Variants in RBM46 observed in about 807,000 individuals in gnomAD.
The protein encoded by RBM46 is probable RNA-binding protein 46.
Under a neutral mutation model 43.3 loss-of-function variants are expected in RBM46, and 12 were observed. That is an observed-to-expected ratio of 0.28 (90% confidence interval 0.18 to 0.45). RBM46 has a LOEUF of 0.45. RBM46 is among the 20% of genes least tolerant of loss of function. RBM46 has a pLI of 1.00. For missense variants in RBM46, 412 were observed against 639.1 expected (o/e 0.64, Z 3.83); for synonymous variants, 205 against 207.6 (o/e 0.99, Z 0.11).
At chr4:154,804,818 T>C (rs1222193807) in intron 4 of RBM46, among the ~76,000 whole-genome samples, 3 of 149,814 alleles carry the variant, frequency 2.0e-5, no homozygotes, top group Non-Finnish European at 4.4e-5. Flanking sequence ...AAGGTTGTTT[T>C]TTTTTTTTTT....
Position 154,801,222 on chromosome 4 carries a change from G to A in RBM46, c.1402+1658G>A, listed in dbSNP as rs1478050479. ...TTGAACTACTGACCTCAGGCGACCC[G>A]CCCTCCTCAGCCTCCCAAAGTATAT... On this transcript the variant is annotated intron_variant, in intron 4 of 4. Coordinates refer to ENST00000281722, the MANE Select transcript of RBM46 (RefSeq NM_144979.5). Among the ~76,000 whole-genome samples the A allele has an allele frequency of 7.2e-5, 11 of 152,100 alleles. No individual in the cohort carries two copies. In the East Asian group the frequency reaches 1.2e-3, roughly 16 times the overall value.
rs1411967855 is a variant in RBM46, at chr4:154,827,974, T to C, written c.1509T>C (p.Tyr503=). 2 of 1,613,866 alleles carry C rather than the reference T, an allele frequency of 1.2e-6. No homozygotes were observed. Among genetic ancestry groups the C allele is most frequent in the Non-Finnish European group, 1.7e-6 (2 of 1,179,902 alleles). ...VLPYTSRPYS[Y]PGYPLSPTIS... ...CTTATACTTCAAGGCCTTATTCTTATCCAGGCTATCCTTTGTCACCAACAA... is the reference window on the plus strand; with the variant it reads ...CTTATACTTCAAGGCCTTATTCTTACCCAGGCTATCCTTTGTCACCAACAA... Residue 503 remains tyrosine (Y), a synonymous_variant, in exon 5 of 5, where the codon TAT becomes TAC. Transcript: ENST00000281722.
At chr4:154,826,436 C>T (rs1243919469) in intron 4 of RBM46, among the ~76,000 whole-genome samples, 1 of 152,030 alleles carries the variant, frequency 6.6e-6, no homozygotes, top group Non-Finnish European at 1.5e-5. Context: ...CCAGCTTGGG[C>T]AACAAGAGTG....
chr4:154,785,759 A>G (rs1733728373), intron 1 of RBM46, among the ~76,000 whole-genome samples: 1 of 152,138 alleles, frequency 6.6e-6, no homozygotes, highest in African/African-American at 2.4e-5. Context: ...AAATTATTGA[A>G]GAGAGTTCAG....
At chr4:154,810,271 G>A (rs1446333388) in intron 4 of RBM46, among the ~76,000 whole-genome samples, 1 of 151,930 alleles carries the variant, frequency 6.6e-6, no homozygotes, top group African/African-American at 2.4e-5. Context: ...TATAACTCAA[G>A]GTAAAATAGG....
In RBM46 at chr4:154,819,571, T is replaced by G. The variant is rs1022288743; in HGVS notation, c.1403-8297T>G. 8.5e-5 allele frequency among the ~76,000 whole-genome samples: 13 copies of G among 152,206 alleles called. No homozygotes were observed. The East Asian group carries it at 2.5e-3, about 29-fold the overall frequency. The stretch of plus-strand genomic sequence containing the variant: ...TTTAATAATTTCTTACATTTTCTAG[T>G]TCTTACCAAGAGGGTTGATTAGTGT... On this transcript the variant is annotated intron_variant, in intron 4 of 4. Transcript: ENST00000281722.
chr4:154,825,121 GA>G (rs1314225336), intron 4 of RBM46, among the ~76,000 whole-genome samples: 1 of 152,018 alleles, frequency 6.6e-6, no homozygotes, highest in Non-Finnish European at 1.5e-5. Context: ...CTTAAGAAGG[GA>G]TCTGAAGTAC....
intron 4 of RBM46, among the ~76,000 whole-genome samples, chr4:154,820,616 C>G (rs1279697023): frequency 1.3e-5 from 2 of 151,682 alleles, no homozygotes; most frequent in Non-Finnish European, 3.0e-5. Flanking sequence ...ATTTTCAGGT[C>G]TTCTCAAAAC....
At chr4:154,814,806 T>C (rs1735346256) in intron 4 of RBM46, among the ~76,000 whole-genome samples, 1 of 151,888 alleles carries the variant, frequency 6.6e-6, no homozygotes, top group Admixed American at 6.6e-5. Flanking sequence ...ACTTCTCCTT[T>C]ATATATATCA....
intron 1 of RBM46, among the ~76,000 whole-genome samples, chr4:154,788,122 C>G (rs866510543): frequency 1.3e-4 from 20 of 152,066 alleles, no homozygotes; most frequent in South Asian, 8.3e-4. Context: ...AAAATTTTCT[C>G]CCATTCTGTA....
intron 4 of RBM46, among the ~76,000 whole-genome samples, chr4:154,817,437 A>G (rs1311503479): frequency 6.6e-6 from 1 of 150,732 alleles, no homozygotes. Flanking sequence ...GGTTCAAGCA[A>G]TTCTCTTGCC....
At position 154,796,785 on chromosome 4, in the gene RBM46, A is replaced by G. The variant is rs559866334; in HGVS notation, c.33A>G (p.Gly11=). 1 of 1,612,846 alleles carries G rather than the reference A, an allele frequency of 6.2e-7. No individual in the cohort carries two copies. ...AAGAAAATATAGATGGAACAAATGGATGCAGTAAAGTTCGAACTGGTATTC... is the reference window on the plus strand; with the variant it reads ...AAGAAAATATAGATGGAACAAATGGGTGCAGTAAAGTTCGAACTGGTATTC... MNEENIDGTN[G]CSKVRTGIQN... The change falls in exon 2 of 5, where the codon GGA becomes GGG. Residue 11 remains glycine, a synonymous_variant. Transcript: ENST00000281722.
Position 154,802,594 on chromosome 4 carries a change from ATACT to A in RBM46, c.1402+3034_1402+3037del, listed in dbSNP as rs372839219. On this transcript the variant is annotated intron_variant, in intron 4 of 4. Coordinates refer to ENST00000281722, the MANE Select transcript of RBM46 (RefSeq NM_144979.5). ...TGGTGTGTTCTTGACATCCTAGTAA[ATACT>A]TACGTAGTCCAAGGATTGAATTGTT... 3.8e-3 allele frequency among the ~76,000 whole-genome samples: 574 copies of A among 152,304 alleles called. 3 individuals are homozygous for A. Among genetic ancestry groups the A allele is most frequent in the Middle Eastern group, 0.014 (4 of 294 alleles).
intron 1 of RBM46, chr4:154,787,343 C>G (rs1733832854): frequency 8.2e-6 from 1 of 122,160 alleles, no homozygotes; most frequent in Admixed American, 9.1e-5. Flanking sequence ...CTCCCCCCAC[C>G]CCATGACAGG....
At chr4:154,801,583 C>G (rs1734642489) in intron 4 of RBM46, among the ~76,000 whole-genome samples, 1 of 152,078 alleles carries the variant, frequency 6.6e-6, no homozygotes, top group Non-Finnish European at 1.5e-5. Context: ...GCAAGTTTCT[C>G]CCAAGATACT....
At chr4:154,784,939 G>A (rs1733684586) in intron 1 of RBM46, among the ~76,000 whole-genome samples, 1 of 152,136 alleles carries the variant, frequency 6.6e-6, no homozygotes, top group African/African-American at 2.4e-5. Flanking sequence ...GCTTGTTTTA[G>A]ATTTGATTAT....
intron 4 of RBM46, among the ~76,000 whole-genome samples, chr4:154,812,117 G>A (rs1231289208): frequency 1.3e-5 from 2 of 149,604 alleles, no homozygotes; most frequent in Admixed American, 1.3e-4. Context: ...GCCATCCTTT[G>A]TAAATTCACA....
intron 1 of RBM46, among the ~76,000 whole-genome samples, chr4:154,782,514 C>T (rs1427217695): frequency 1.3e-5 from 2 of 152,184 alleles, no homozygotes; most frequent in Admixed American, 6.5e-5. Context: ...GACGGAGTCT[C>T]GCTCTGTCTC....
At position 154,828,548 on chromosome 4, in the gene RBM46, A is replaced by G. The variant is rs532391124; in HGVS notation, c.*481A>G. On this transcript the variant is annotated 3_prime_UTR_variant, in exon 5 of 5. Coordinates refer to ENST00000281722, the MANE Select transcript of RBM46 (RefSeq NM_144979.5). ...TAAAAAGAAATGATGAGACAAAAAGATTAAGATACAAATTTTGTGCAGTAC... is the reference window on the plus strand; with the variant it reads ...TAAAAAGAAATGATGAGACAAAAAGGTTAAGATACAAATTTTGTGCAGTAC... 2 of 153,766 alleles carry G rather than the reference A, an allele frequency of 1.3e-5. No individual in the cohort carries two copies. 9.5% of individuals were successfully genotyped at this position (153,766 alleles called of 1,614,324 possible).
Sources: allele counts gnomAD v4.1 joint callset (sites outside exome capture counted in the v4.1 genomes callset), GRCh38; gene constraint gnomAD v4.1.1; transcripts MANE v1.5; gene names NCBI Gene and HGNC (gene_info 2026-07-23, HGNC 2026-07-21).